SLC37A3: variants seen among roughly 807,000 people sequenced by gnomAD.
The protein encoded by SLC37A3 is solute carrier family 37 member 3, also known as sugar phosphate exchanger 3.
A neutral mutation model predicts 67.1 loss-of-function variants in SLC37A3; 51 were observed. The ratio of observed to expected loss-of-function variants is 0.76; its 90% CI spans 0.61 to 0.96. The LOEUF (loss-of-function observed/expected upper bound fraction) is 0.96, where lower values mean the gene tolerates loss of function less well. Ranked by LOEUF, SLC37A3 falls within the 40% of genes least tolerant of loss-of-function variation. SLC37A3 has a pLI of 0.00. For synonymous variants in SLC37A3, 214 were observed against 231.4 expected (o/e 0.92, Z 0.68); for missense variants, 508 against 603.0 (o/e 0.84, Z 1.65).
chr7:140,348,449 T>A, intron 10 of SLC37A3, 177 bp downstream of exon 10: 1 of 633,828 alleles, frequency 1.6e-6, no homozygotes, highest in Non-Finnish European at 2.3e-6. Flanking sequence ...TGTTTTTTCT[T>A]TTCTTTTCTT....
rs554765652 is a variant in SLC37A3 at position 140,347,247 on chromosome 7, C to CAA, written c.1025-1279_1025-1278dup. On this transcript the variant is annotated intron_variant, in intron 10 of 14. Coordinates refer to ENST00000326232, the MANE Select transcript of SLC37A3 (RefSeq NM_207113.3). ...GGCGACAGAGCAGTACCCCCATCTC[C>CAA]AAAAAAAAAAAAAAAGAAAAAAAAA... 5.5e-3 allele frequency among the ~76,000 whole-genome samples: 392 copies of CAA among 71,368 alleles called. 5 individuals carry two copies. The highest frequency in any genetic ancestry group is 0.018 in the African/African-American group (367 of 20,184). The allele number at this position is 71,368 out of a possible 152,430, so 46.8% of individuals were successfully genotyped here.
chr7:140,370,219 A>G (rs1474937544), intron 3 of SLC37A3, among the ~76,000 whole-genome samples: 1 of 151,866 alleles, frequency 6.6e-6, no homozygotes, highest in African/African-American at 2.4e-5. Flanking sequence ...GTACAGTGTG[A>G]TAGTTCAACA....
chr7:140,352,242 G>GGGAGGGGGGGGGGGGGGC, intron 7 of SLC37A3, 96 bp from the exon 8 acceptor site: 1 of 382,886 alleles, frequency 2.6e-6, no homozygotes, highest in Non-Finnish European at 5.4e-6. Context: ...GGGGGTGGGG[G>GGGAGGGGGGGGGGGGGGC]AGAGGTGGGA....
intron 1 of SLC37A3, among the ~76,000 whole-genome samples, chr7:140,397,222 C>G (rs1199488909): frequency 6.8e-6 from 1 of 146,334 alleles, no homozygotes; most frequent in Non-Finnish European, 1.5e-5. Context: ...AAGACAGAGT[C>G]TGGCTCTGTC....
In SLC37A3 at chr7:140,364,407, C is replaced by A. The variant is rs777308340; in HGVS notation, c.375+1G>T. On this transcript the variant is annotated splice_donor_variant, in intron 5 of 14. Transcript: ENST00000326232. LOFTEE classifies it high-confidence loss of function. ...AATAATAATAAGACCTTTCAACTTA[C>A]CACTAATGCAGAAGAGCACATGCCA... 1 of 1,613,052 alleles carries A rather than the reference C, an allele frequency of 6.2e-7. No homozygotes were observed. Among genetic ancestry groups the A allele is most frequent in the Admixed American group, 1.7e-5 (1 of 59,826 alleles).
intron 3 of SLC37A3, among the ~76,000 whole-genome samples, chr7:140,375,059 TCGAAGAA>T (rs1797974329): frequency 3.2e-5 from 1 of 30,792 alleles, no homozygotes; most frequent in South Asian, 1.7e-3. Context: ...GGCAGAAGAA[TCGAAGAA>T]TCGCTTCAAC....
In SLC37A3 at chr7:140,355,712, A is replaced by G. The variant is rs143242585; in HGVS notation, c.574T>C (p.Leu192=). The G allele has an allele frequency of 6.2e-7, 1 of 1,613,962 alleles. No homozygotes were observed. The highest frequency in any genetic ancestry group is 2.2e-5 in the East Asian group (1 of 44,876). Residue 192 remains leucine, a synonymous_variant, in exon 7 of 15, where the codon TTG becomes CTG. Coordinates refer to ENST00000326232, the MANE Select transcript of SLC37A3 (RefSeq NM_207113.3). ...WSACASVGNI[L]GACLASSVLQ... is the part of the protein sequence containing the mutation. Reference sequence around the variant, plus strand: ...ACAGAAGAAGCTAGGCACGCTCCCAAAATGTTGCCCACCGAAGCACAGGCA... The same window carrying G: ...ACAGAAGAAGCTAGGCACGCTCCCAGAATGTTGCCCACCGAAGCACAGGCA...
intron 14 of SLC37A3, among the ~76,000 whole-genome samples, chr7:140,337,013 C>T (rs1796160562): frequency 6.7e-6 from 1 of 149,048 alleles, no homozygotes; most frequent in Non-Finnish European, 1.5e-5. Context: ...GTGGGAGAAT[C>T]GCTTGAACCC....
chr7:140,377,196 C>T (rs1051744903), intron 3 of SLC37A3, among the ~76,000 whole-genome samples: 1 of 151,648 alleles, frequency 6.6e-6, no homozygotes, highest in South Asian at 2.1e-4. Context: ...ATGCCCGCCT[C>T]GGCCTCCCAA....
rs1797147446 is a variant in SLC37A3 at position 140,358,891 on chromosome 7, C to G, written c.376-106G>C. The G allele has an allele frequency of 3.6e-6, 5 of 1,381,810 alleles. No individual in the cohort carries two copies. In the South Asian group the frequency reaches 6.4e-5, roughly 18 times the overall value. 85.6% of individuals were successfully genotyped at this position (1,381,810 alleles called of 1,614,324 possible). ...GAGTAGAGACCACGTGAAGGATACA[C>G]TCACACAGCCAGTGCCTGTAAGTCA... On this transcript the variant is annotated intron_variant, in intron 5 of 14. Transcript: ENST00000326232.
intron 1 of SLC37A3, among the ~76,000 whole-genome samples, chr7:140,384,125 T>G (rs549593978): frequency 5.1e-4 from 78 of 152,338 alleles, no homozygotes; most frequent in African/African-American, 1.8e-3. Context: ...AATAGGGGAA[T>G]AATTAAATAA....
chr7:140,376,978 C>G (rs2129743444), intron 3 of SLC37A3, among the ~76,000 whole-genome samples: 1 of 140,890 alleles, frequency 7.1e-6, no homozygotes, highest in South Asian at 2.3e-4. Flanking sequence ...GAGTCTCACT[C>G]TGTCACCCAA....
chr7:140,397,753 T>A (rs1798995655), intron 1 of SLC37A3, among the ~76,000 whole-genome samples: 1 of 152,026 alleles, frequency 6.6e-6, no homozygotes, highest in Non-Finnish European at 1.5e-5. Context: ...CCCTATAAAC[T>A]ATAAACTTTT....
intron 13 of SLC37A3, among the ~76,000 whole-genome samples, chr7:140,342,058 G>T (rs959313573): frequency 4.6e-5 from 7 of 152,150 alleles, no homozygotes; most frequent in African/African-American, 1.7e-4. Flanking sequence ...TCTACTGTGT[G>T]CCAGGCACTG....
At chr7:140,361,530 C>CCTCCCTCTCTCCCTCTCCGT (rs1797287485) in intron 5 of SLC37A3, among the ~76,000 whole-genome samples, 1 of 105,534 alleles carries the variant, frequency 9.5e-6, no homozygotes, top group Non-Finnish European at 1.9e-5. Context: ...TCCCCCTCCC[C>CCTCCCTCTCTCCCTCTCCGT]CTCCCTCTCT....
chr7:140,350,599 C>T (rs1337324424), intron 9 of SLC37A3, among the ~76,000 whole-genome samples: 1 of 152,024 alleles, frequency 6.6e-6, no homozygotes, highest in Non-Finnish European at 1.5e-5. Flanking sequence ...CCTGTCTCTA[C>T]TAAAAATACA....
chr7:140,391,398 T>C (rs966247735), intron 1 of SLC37A3, among the ~76,000 whole-genome samples: 3 of 152,058 alleles, frequency 2.0e-5, no homozygotes, highest in African/African-American at 7.2e-5. Flanking sequence ...CTACTAAAAA[T>C]ACAAAAATTA....
intron 1 of SLC37A3, among the ~76,000 whole-genome samples, chr7:140,385,945 G>A (rs1016351884): frequency 6.6e-6 from 1 of 152,080 alleles, no homozygotes; most frequent in African/African-American, 2.4e-5. Flanking sequence ...ATCATGCCTG[G>A]CTAATTTTTG....
In SLC37A3 at chr7:140,348,610, T is replaced by C. The variant is rs1056236510; in HGVS notation, c.1024+16A>G. The C allele has an allele frequency of 2.5e-6, 4 of 1,591,860 alleles. No homozygotes were observed. Among genetic ancestry groups the C allele is most frequent in the South Asian group, 1.1e-5 (1 of 87,726 alleles). On this transcript the variant is annotated intron_variant, in intron 10 of 14. Transcript: ENST00000326232. ...GACTAACTCTTTATTATGGAAAAGA[T>C]GTATCACCGGCATACCTATGATCCC...
Sources: gnomAD v4.1 joint callset for allele counts (sites outside exome capture counted in the v4.1 genomes callset) on GRCh38, gnomAD v4.1.1 for gene constraint, MANE v1.5 for transcripts, NCBI Gene and HGNC (gene_info 2026-07-23, HGNC 2026-07-21) for gene names.